RBFOX1: variants seen among roughly 807,000 people sequenced by gnomAD.
The protein encoded by RBFOX1 is RNA binding fox-1 homolog 1.
RBFOX1 carries 8 observed loss-of-function variants against 57.7 expected under a neutral mutation model. That is an observed-to-expected ratio of 0.14 (90% confidence interval 0.08 to 0.25). RBFOX1 has a LOEUF of 0.25. RBFOX1 is among the 10% of genes least tolerant of loss of function. RBFOX1 has a pLI of 1.00. For missense variants in RBFOX1, 611 were observed against 548.5 expected (o/e 1.11, Z -1.14); for synonymous variants, 326 against 222.4 (o/e 1.47, Z -4.15).
chr16:6,793,060 G>A (rs1409939654), intron 3 of RBFOX1, among the ~76,000 whole-genome samples: 1 of 151,516 alleles, frequency 6.6e-6, no homozygotes, highest in Non-Finnish European at 1.5e-5. Context: ...CGATAATGCT[G>A]TACATCTGTT....
Position 6,748,562 on chromosome 16 carries a change from C to T in RBFOX1, c.-16+93912C>T, listed in dbSNP as rs553727089. On this transcript the variant is annotated intron_variant, in intron 3 of 15. Coordinates refer to ENST00000550418, the MANE Select transcript of RBFOX1 (RefSeq NM_018723.4). Reference sequence around the variant, plus strand: ...GCATTTGTAGTCCCAGCTTGGGAGGCTGAAGTGGATCTCTTGAGCCCAGAA... The same window carrying T: ...GCATTTGTAGTCCCAGCTTGGGAGGTTGAAGTGGATCTCTTGAGCCCAGAA... Among the ~76,000 whole-genome samples the T allele has an allele frequency of 2.0e-5, 3 of 152,206 alleles. No individual in the cohort carries two copies. The East Asian group carries it at 5.8e-4, about 30-fold the overall frequency.
chr16:7,567,405 C>T (rs1387572483), intron 5 of RBFOX1, among the ~76,000 whole-genome samples: 2 of 99,772 alleles, frequency 2.0e-5, no homozygotes, highest in South Asian at 3.0e-4. Flanking sequence ...ATATATATAT[C>T]CCTATATATA....
intron 11 of RBFOX1, among the ~76,000 whole-genome samples, chr16:7,631,448 G>C: frequency 6.6e-6 from 1 of 152,132 alleles, no homozygotes; most frequent in South Asian, 2.1e-4. Flanking sequence ...GCAGGTAGAA[G>C]AATTAAAGCC....
intron 2 of RBFOX1, among the ~76,000 whole-genome samples, chr16:6,410,868 C>G (rs2093438448): frequency 2.0e-5 from 3 of 152,296 alleles, no homozygotes; most frequent in Middle Eastern, 6.8e-3. Flanking sequence ...CTTAGCCCCT[C>G]TGAGCTTCAG....
intron 4 of RBFOX1, among the ~76,000 whole-genome samples, chr16:7,365,202 A>G (rs1377986606): frequency 1.3e-5 from 2 of 152,220 alleles, no homozygotes; most frequent in South Asian, 2.1e-4. Context: ...AACCATAAAC[A>G]TCTTTGTGAG....
intron 3 of RBFOX1, among the ~76,000 whole-genome samples, chr16:6,794,319 A>G (rs373176795): frequency 5.7e-5 from 8 of 141,240 alleles, no homozygotes; most frequent in South Asian, 2.2e-4. Flanking sequence ...AGGCATTCCA[A>G]TCGGGCTAAT....
chr16:7,506,819 C>T (rs1403664816), intron 4 of RBFOX1, among the ~76,000 whole-genome samples: 4 of 151,010 alleles, frequency 2.6e-5, no homozygotes, highest in Non-Finnish European at 4.5e-5. Flanking sequence ...CCAAAGGTAC[C>T]ATAATGAGTT....
chr16:6,527,643 T>C (rs765160762), intron 2 of RBFOX1, among the ~76,000 whole-genome samples: 2 of 152,196 alleles, frequency 1.3e-5, no homozygotes, highest in Non-Finnish European at 2.9e-5. Context: ...TCTTGAGGAC[T>C]GGTCTTGATT....
chr16:7,407,322 G>A (rs2098360624), intron 4 of RBFOX1, among the ~76,000 whole-genome samples: 1 of 151,894 alleles, frequency 6.6e-6, no homozygotes, highest in Admixed American at 6.6e-5. Flanking sequence ...AGGGATAATG[G>A]GAATAAAGTA....
At chr16:7,254,812 G>T (rs1256216380) in intron 4 of RBFOX1, among the ~76,000 whole-genome samples, 6 of 152,108 alleles carry the variant, frequency 3.9e-5, no homozygotes, top group African/African-American at 1.4e-4. Flanking sequence ...ATACAATGAT[G>T]AACAAGAAGA....
At chr16:7,552,725 C>T (rs1174755027) in intron 5 of RBFOX1, among the ~76,000 whole-genome samples, 1 of 152,130 alleles carries the variant, frequency 6.6e-6, no homozygotes, top group Non-Finnish European at 1.5e-5. Flanking sequence ...CTCTGTTGCT[C>T]AGGCCGAAGT....
chr16:5,595,770 C>T (rs12443931), intron 2 of RBFOX1, among the ~76,000 whole-genome samples: 31,611 of 152,022 alleles, frequency 0.21, 3,376 homozygotes, highest in African/African-American at 0.21. Flanking sequence ...TCTCTGTTTT[C>T]GAGTTAAGGA....
chr16:5,814,615 C>T (rs2151788236), intron 3 of RBFOX1, among the ~76,000 whole-genome samples: 1 of 152,324 alleles, frequency 6.6e-6, no homozygotes, highest in East Asian at 1.9e-4. Flanking sequence ...CTTGTCTATC[C>T]TGCCACCTGG....
At chr16:7,565,403 G>A (rs2091431589) in intron 5 of RBFOX1, among the ~76,000 whole-genome samples, 1 of 152,032 alleles carries the variant, frequency 6.6e-6, no homozygotes. Context: ...AAATCAAATA[G>A]GTATATTGCA....
At chr16:6,404,098 C>A (rs1413541716) in intron 2 of RBFOX1, among the ~76,000 whole-genome samples, 3 of 152,074 alleles carry the variant, frequency 2.0e-5, no homozygotes, top group South Asian at 2.1e-4. Context: ...GACTCGGCAT[C>A]CATGGAGTCA....
intron 1 of RBFOX1, among the ~76,000 whole-genome samples, chr16:6,265,266 T>C (rs1194510583): frequency 6.6e-6 from 1 of 151,954 alleles, no homozygotes; most frequent in African/African-American, 2.4e-5. Context: ...TGTTTGTTTG[T>C]TTGGGGTTTT....
intron 1 of RBFOX1, among the ~76,000 whole-genome samples, chr16:5,330,085 T>C (rs1470733261): frequency 6.6e-6 from 1 of 152,210 alleles, no homozygotes; most frequent in East Asian, 1.9e-4. Context: ...GAGGCTTCTT[T>C]TGGAAGGACA....
chr16:5,263,518 G>A (rs115133016), intron 1 of RBFOX1, among the ~76,000 whole-genome samples: 113 of 152,282 alleles, frequency 7.4e-4, no homozygotes, highest in African/African-American at 2.5e-3. Context: ...TAAACGCCTG[G>A]CACATACATG....
intron 2 of RBFOX1, among the ~76,000 whole-genome samples, chr16:5,544,212 C>T (rs1294664120): frequency 1.3e-5 from 2 of 152,156 alleles, no homozygotes; most frequent in East Asian, 3.9e-4. Context: ...CAGAAGGATT[C>T]AGGTCCTGCA....
Sources: allele counts gnomAD v4.1 joint callset (sites outside exome capture counted in the v4.1 genomes callset), GRCh38; gene constraint gnomAD v4.1.1; transcripts MANE v1.5; gene names NCBI Gene and HGNC (gene_info 2026-07-23, HGNC 2026-07-21).